POLR1C: variants seen among roughly 807,000 people sequenced by gnomAD.
The protein encoded by POLR1C is RNA polymerase I and III subunit C.
A neutral mutation model predicts 38.3 loss-of-function variants in POLR1C; 42 were observed. That is an observed-to-expected ratio of 1.10 (90% CI 0.86 to 1.42). The LOEUF is 1.42. Among genes scored for constraint, POLR1C ranks in the 40% most tolerant of loss-of-function variants. The probability of loss-of-function intolerance (pLI) is 0.00; values close to 1 mark genes in which losing one functional copy is unlikely to be tolerated. For missense variants in POLR1C, 507 were observed against 450.5 expected (o/e 1.13, Z -1.14); for synonymous variants, 163 against 163.9 (o/e 0.99, Z 0.04).
chr6:43,530,928 G>T, downstream of POLR1C: 1 of 1,384,376 alleles, frequency 7.2e-7, no homozygotes, highest in Non-Finnish European at 9.6e-7. Context: ...AGGTTTTTCA[G>T]CCAGAAGAGC....
downstream of POLR1C, chr6:43,522,278 A>G (rs1235355686): frequency 6.6e-6 from 1 of 152,504 alleles, no homozygotes; most frequent in African/African-American, 2.4e-5. Flanking sequence ...CTCATGAAGT[A>G]ACCCTGGAGT....
rs369471517 is a variant in POLR1C, at chr6:43,546,732, G to A, written c.*5-4236G>A. The stretch of plus-strand genomic sequence containing the variant: ...AAGTTCGTTTCACCACACCCAGAAT[G>A]CTGTATACACAAAAGCTCATCTATA... On this transcript the variant is annotated intron_variant, in intron 9 of 10. Transcript: ENST00000607635. 85 of 1,605,528 alleles carry A rather than the reference G, an allele frequency of 5.3e-5. No homozygotes were observed. Among genetic ancestry groups the A allele is most frequent in the Non-Finnish European group, 7.0e-5 (82 of 1,176,834 alleles).
chr6:43,528,860 TGGG>T (rs1793766532), intron 8 of POLR1C: 1 of 1,613,724 alleles, frequency 6.2e-7, no homozygotes, highest in Admixed American at 1.7e-5. Context: ...GGTCCGAGGA[TGGG>T]GGATACCAGG....
At chr6:43,520,815 A>C in intron 7 of POLR1C, 41 bp downstream of exon 7, 1 of 1,611,672 alleles carries the variant, frequency 6.2e-7, no homozygotes, top group Non-Finnish European at 8.5e-7. Flanking sequence ...GACCTAAATT[A>C]TATTTTCTTT....
intron 9 of POLR1C, chr6:43,547,550 ACAACACC>A: frequency 6.6e-7 from 1 of 1,525,410 alleles, no homozygotes; most frequent in Non-Finnish European, 9.1e-7. Context: ...TTGACAAAAG[ACAACACC>A]CTACTCCTAC....
chr6:43,549,614 T>G (rs1795131761), intron 9 of POLR1C: 1 of 1,603,218 alleles, frequency 6.2e-7, no homozygotes, highest in Non-Finnish European at 8.5e-7. Flanking sequence ...GGAGCTGCTT[T>G]TAATATAATA....
downstream of POLR1C, chr6:43,525,209 A>G (rs1185337912): frequency 1.9e-6 from 3 of 1,572,122 alleles, no homozygotes; most frequent in Admixed American, 5.6e-5. Flanking sequence ...GCGCTGTACA[A>G]ACATCCTGAA....
chr6:43,520,159 C>T lies in POLR1C; in HGVS notation c.476C>T (p.Pro159Leu). The change falls in exon 5 of 9, where the codon CCC becomes CTC. Residue 159 changes from proline (P) to leucine (L), a missense_variant. Pro to Leu is a moderately conservative substitution (Grantham distance 98). Transcript: ENST00000642195. ...CATGCTGCTAAAGATTCCTCTGACC[C>T]CAACGAACTGTACGTGAACCACAAA... ...NPHAAKDSSD[P>L]NELYVNHKVY... 11 of 1,614,176 alleles carry T rather than the reference C, an allele frequency of 6.8e-6. No homozygotes were observed. The highest frequency in any genetic ancestry group is 9.3e-6 in the Non-Finnish European group (11 of 1,180,040).
intron 9 of POLR1C, chr6:43,546,895 C>T: frequency 1.2e-6 from 1 of 836,292 alleles, no homozygotes; most frequent in Non-Finnish European, 1.8e-6. Context: ...CGGCAATCCC[C>T]CATCCCTTCC....
exon 11 of POLR1C, chr6:43,562,389 G>A: frequency 7.1e-7 from 1 of 1,418,260 alleles, no homozygotes; most frequent in Non-Finnish European, 9.8e-7. Context: ...AAATTAAAAA[G>A]GCTGTAATAA....
chr6:43,523,773 A>T (rs1793353256), downstream of POLR1C: 1 of 1,597,394 alleles, frequency 6.3e-7, no homozygotes, highest in South Asian at 1.1e-5. Context: ...AGTGGTGGAA[A>T]GTGAGGTGGC....
At chr6:43,545,047 A>G (rs1794897791) in intron 9 of POLR1C, among the ~76,000 whole-genome samples, 1 of 151,696 alleles carries the variant, frequency 6.6e-6, no homozygotes, top group African/African-American at 2.4e-5. Flanking sequence ...TAATTTTTGT[A>G]TTTTTAGTAG....
At chr6:43,521,105 C>G (rs1793157052) in intron 8 of POLR1C, 57 bp downstream of exon 8, 2 of 1,598,038 alleles carry the variant, frequency 1.3e-6, no homozygotes, top group Non-Finnish European at 1.7e-6. Context: ...CAGCTTCCTT[C>G]CAGTCTAGAT....
At chr6:43,549,629 G>A in intron 9 of POLR1C, 2 of 1,580,864 alleles carry the variant, frequency 1.3e-6, no homozygotes, top group South Asian at 1.1e-5. Flanking sequence ...ATAATATACA[G>A]GTGCTGCATA....
intron 2 of POLR1C, 60 bp from the exon 3 acceptor site, chr6:43,519,273 T>C: frequency 1.0e-6 from 1 of 981,028 alleles, no homozygotes; most frequent in Admixed American, 1.8e-5. Flanking sequence ...AAGGGGGAGG[T>C]ATGAAGAGAT....
downstream of POLR1C, chr6:43,525,196 A>C: frequency 6.3e-7 from 1 of 1,578,976 alleles, no homozygotes; most frequent in Non-Finnish European, 8.6e-7. Flanking sequence ...GCTGTAATTA[A>C]TAGCGCTGTA....
downstream of POLR1C, chr6:43,525,099 A>C (rs1793484365): frequency 6.4e-7 from 1 of 1,570,846 alleles, no homozygotes; most frequent in Admixed American, 1.9e-5. Flanking sequence ...AGGGGTGAAT[A>C]ACCATACTTG....
intron 10 of POLR1C, chr6:43,551,381 G>C: frequency 6.2e-7 from 1 of 1,613,966 alleles, no homozygotes; most frequent in Non-Finnish European, 8.5e-7. Flanking sequence ...ACGCAGGACA[G>C]GATGAGGGGA....
At chr6:43,536,714 C>T (rs572705845) in intron 9 of POLR1C, among the ~76,000 whole-genome samples, 15 of 118,644 alleles carry the variant, frequency 1.3e-4, no homozygotes, top group Non-Finnish European at 2.2e-4. Flanking sequence ...GAGCCAAGGT[C>T]GCGCCACTGC....
Sources: allele counts gnomAD v4.1 joint callset (sites outside exome capture counted in the v4.1 genomes callset), GRCh38; gene constraint gnomAD v4.1.1; transcripts MANE v1.5; gene names NCBI Gene and HGNC (gene_info 2026-07-23, HGNC 2026-07-21).